The following PLCL1 variants were observed in gnomAD, a reference collection of about 807,000 sequenced individuals.
The protein encoded by PLCL1 is phospholipase C like 1 (inactive), also known as inactive phospholipase C-like protein 1.
PLCL1 carries 41 observed loss-of-function variants against 84.4 expected under a neutral mutation model. The ratio of observed to expected loss-of-function variants is 0.49; its 90% CI spans 0.38 to 0.63. The LOEUF (loss-of-function observed/expected upper bound fraction) is 0.63. PLCL1 is among the 30% of genes least tolerant of loss of function. The pLI is 0.00. For missense variants in PLCL1, 1,206 were observed against 1,367.8 expected, an observed-to-expected ratio of 0.88 and a Z score of 1.87; for synonymous variants, 490 against 488.3, an observed-to-expected ratio of 1.00 and a Z score of -0.05.
chr2:197,860,924 T>C (rs1452499985), intron 1 of PLCL1, among the ~76,000 whole-genome samples: 1 of 152,226 alleles, frequency 6.6e-6, no homozygotes, highest in African/African-American at 2.4e-5. Flanking sequence ...TTTGGCATCT[T>C]CGTCATGAAA....
At chr2:197,879,075 C>A (rs1574927869) in intron 1 of PLCL1, among the ~76,000 whole-genome samples, 3 of 152,322 alleles carry the variant, frequency 2.0e-5, no homozygotes, top group Non-Finnish European at 4.4e-5. Flanking sequence ...TCTGCAGTTC[C>A]TTCCATGACT....
chr2:198,004,618 G>T (rs1411477741), intron 1 of PLCL1, among the ~76,000 whole-genome samples: 2 of 151,960 alleles, frequency 1.3e-5, no homozygotes, highest in Admixed American at 1.3e-4. Flanking sequence ...AGTCTAGGGT[G>T]GTCATATTTA....
chr2:198,136,690 A>C (rs1475354215), intron 5 of PLCL1, among the ~76,000 whole-genome samples: 1 of 152,118 alleles, frequency 6.6e-6, no homozygotes, highest in Non-Finnish European at 1.5e-5. Flanking sequence ...AGGGGCCCTG[A>C]GAATTGACTG....
Position 198,085,803 on chromosome 2 carries a change from G to A in PLCL1, c.2286G>A (p.Ser762=), listed in dbSNP as rs144546582. The A allele has an allele frequency of 9.2e-5, 149 of 1,614,038 alleles. No individual in the cohort carries two copies. The highest frequency in any genetic ancestry group is 1.2e-4 in the Non-Finnish European group (143 of 1,179,982). ...TACACGGAATTCCAGCGGATTGTTCGGAACAAAGAACTAAAACTGTACAGC... is the reference window on the plus strand; with the variant it reads ...TACACGGAATTCCAGCGGATTGTTCAGAACAAAGAACTAAAACTGTACAGC... ...IEIHGIPADC[S]EQRTKTVQQN... The change falls in exon 2 of 6, where the codon TCG becomes TCA. Residue 762 remains serine (S), a synonymous_variant. Coordinates refer to ENST00000428675, the MANE Select transcript of PLCL1 (RefSeq NM_006226.4). This position sits in a 1 kb window ranked among gnomAD's most constrained non-coding sequence, Gnocchi z 5.3.
chr2:197,805,166 C>T lies in PLCL1; in HGVS notation c.67C>T (p.Pro23Ser). Residue 23 changes from proline (P) to serine (S), a missense_variant, in exon 1 of 6, where the codon CCC becomes TCC. By Grantham distance (74) the Pro-to-Ser change is moderately conservative (BLOSUM62 -1). Coordinates refer to ENST00000428675, the MANE Select transcript of PLCL1 (RefSeq NM_006226.4). This position sits in a 1 kb window ranked among gnomAD's most constrained non-coding sequence, Gnocchi z 4.0. ...CGACGCGGCGGGGGGCGAAGACGAC[C>T]CCCGAGTGGGCCCGGATGCCGCCGG... The part of the protein sequence containing the change: ...PPDAAGGEDD[P>S]RVGPDAAGDC... The T allele has an allele frequency of 7.7e-7, 1 of 1,297,850 alleles. No individual in the cohort carries two copies. The highest frequency in any genetic ancestry group is 9.7e-7 in the Non-Finnish European group (1 of 1,027,268). 80.4% of individuals were successfully genotyped at this position (1,297,850 alleles called of 1,614,324 possible).
chr2:197,978,366 A>G (rs59007763), intron 1 of PLCL1, among the ~76,000 whole-genome samples: 40,700 of 151,986 alleles, frequency 0.27, 6,745 homozygotes, highest in Middle Eastern at 0.43. Context: ...AGTCCCAGCT[A>G]CTCGGGAGGC....
At chr2:198,067,308 A>G (rs1238786236) in intron 1 of PLCL1, among the ~76,000 whole-genome samples, 1 of 152,016 alleles carries the variant, frequency 6.6e-6, no homozygotes, top group East Asian at 1.9e-4. Flanking sequence ...TTGTATTTTT[A>G]GTAGAGACAG....
chr2:198,101,013 T>C (rs184920562), intron 3 of PLCL1, among the ~76,000 whole-genome samples: 1 of 152,190 alleles, frequency 6.6e-6, no homozygotes, highest in East Asian at 1.9e-4. Flanking sequence ...ATAAGGAATG[T>C]ATATACATTT....
chr2:198,094,017 C>T (rs1693123754), intron 3 of PLCL1, among the ~76,000 whole-genome samples: 1 of 151,852 alleles, frequency 6.6e-6, no homozygotes, highest in Non-Finnish European at 1.5e-5. Context: ...AAAATATTTC[C>T]TCCTGAGGGT....
intron 1 of PLCL1, among the ~76,000 whole-genome samples, chr2:197,887,238 A>G (rs1468998323): frequency 2.6e-5 from 4 of 152,184 alleles, no homozygotes; most frequent in African/African-American, 9.7e-5. Flanking sequence ...TAAAAAAAGC[A>G]TACTGTTTTA....
chr2:197,942,560 A>G (rs1689179451), intron 1 of PLCL1, among the ~76,000 whole-genome samples: 1 of 152,262 alleles, frequency 6.6e-6, no homozygotes, highest in Admixed American at 6.5e-5. Context: ...GCAGGAAATA[A>G]AAAGTATGAC....
chr2:197,868,468 A>G (rs545804160), intron 1 of PLCL1, among the ~76,000 whole-genome samples: 2 of 152,230 alleles, frequency 1.3e-5, no homozygotes, highest in African/African-American at 4.8e-5. Flanking sequence ...ACCCTTCTAC[A>G]ACCACATGCA....
intron 1 of PLCL1, among the ~76,000 whole-genome samples, chr2:197,975,475 A>G (rs1574978112): frequency 6.6e-6 from 1 of 152,198 alleles, no homozygotes; most frequent in East Asian, 1.9e-4. Flanking sequence ...ATGTCTTTCC[A>G]GCCAAAAACC....
intron 5 of PLCL1, among the ~76,000 whole-genome samples, chr2:198,135,767 C>T (rs1369256865): frequency 6.6e-6 from 1 of 152,182 alleles, no homozygotes; most frequent in East Asian, 1.9e-4. Flanking sequence ...AGGTCTGTCA[C>T]AAAAGATAAT....
At chr2:197,843,708 C>G (rs1021168964) in intron 1 of PLCL1, among the ~76,000 whole-genome samples, 2 of 152,108 alleles carry the variant, frequency 1.3e-5, no homozygotes, top group Non-Finnish European at 2.9e-5. Flanking sequence ...TTGTCCTTCC[C>G]AAAACTTTAC....
rs115134704 is a variant in PLCL1 at position 197,926,943 on chromosome 2, G to A, written c.240+121604G>A. Among the ~76,000 whole-genome samples, 1,092 of 152,192 alleles carry A rather than the reference G, an allele frequency of 7.2e-3. 12 individuals are homozygous for A. The highest frequency in any genetic ancestry group is 0.025 in the African/African-American group (1,050 of 41,518). On this transcript the variant is annotated intron_variant, in intron 1 of 5. Transcript: ENST00000428675. ...TGGTTGTCTTATTTGGCTGGGCAAG[G>A]GCTGCTACCTGTTAGCTGGGACCGC...
At chr2:198,029,459 T>C (rs965031101) in intron 1 of PLCL1, among the ~76,000 whole-genome samples, 29 of 152,300 alleles carry the variant, frequency 1.9e-4, no homozygotes, top group Admixed American at 1.5e-3. Flanking sequence ...GGGATCTAAA[T>C]TGCTTCTGAG....
chr2:197,903,051 C>T (rs141785084), intron 1 of PLCL1, among the ~76,000 whole-genome samples: 1 of 152,220 alleles, frequency 6.6e-6, no homozygotes, highest in African/African-American at 2.4e-5. Flanking sequence ...AATTTTGGTC[C>T]ATCAGTGAGC....
chr2:197,931,698 A>T (rs1274736282), intron 1 of PLCL1, among the ~76,000 whole-genome samples: 1 of 15,092 alleles, frequency 6.6e-5, no homozygotes. Context: ...CCACCCACCC[A>T]CCCAACCATC....
Sources: gnomAD v4.1 joint callset for allele counts (sites outside exome capture counted in the v4.1 genomes callset) on GRCh38, gnomAD v4.1.1 for gene constraint, Gnocchi (gnomAD v3.1) non-coding constraint, MANE v1.5 for transcripts, NCBI Gene and HGNC (gene_info 2026-07-23, HGNC 2026-07-21) for gene names.